Variants in PTPN2 observed in about 807,000 individuals in gnomAD.
PTPN2 encodes the protein tyrosine-protein phosphatase non-receptor type 2.
PTPN2 carries 19 observed loss-of-function variants against 57.3 expected under a neutral mutation model. That is an observed-to-expected ratio of 0.33 (90% CI 0.23 to 0.49). The LOEUF is 0.49. Ranked by LOEUF, PTPN2 falls within the 20% of genes least tolerant of loss-of-function variation. The probability of loss-of-function intolerance (pLI) is 0.99; values close to 1 mark genes in which losing one functional copy is unlikely to be tolerated. For synonymous variants in PTPN2, 153 were observed against 164.9 expected (o/e 0.93, Z 0.55); for missense variants, 358 against 501.1 (o/e 0.71, Z 2.73).
chr18:12,815,917 C>T (rs1043865275), intron 6 of PTPN2, among the ~76,000 whole-genome samples: 2 of 152,172 alleles, frequency 1.3e-5, no homozygotes, highest in African/African-American at 2.4e-5. Context: ...TGGTGGAAAG[C>T]ATAAGAATGC....
chr18:12,815,386 T>TG (rs1446108397), intron 6 of PTPN2, among the ~76,000 whole-genome samples: 108 of 151,828 alleles, frequency 7.1e-4, no homozygotes, highest in African/African-American at 2.6e-3. Flanking sequence ...CACTCCACCC[T>TG]GGCAACAGAG....
intron 1 of PTPN2, among the ~76,000 whole-genome samples, chr18:12,874,095 C>G (rs1217566616): frequency 6.6e-6 from 1 of 151,982 alleles, no homozygotes; most frequent in African/African-American, 2.4e-5. Flanking sequence ...CGCCCGGCAG[C>G]CACCCTGTCT....
chr18:12,835,368 A>G (rs1191763501), intron 3 of PTPN2, among the ~76,000 whole-genome samples: 5 of 128,428 alleles, frequency 3.9e-5, no homozygotes, highest in African/African-American at 1.6e-4. Context: ...TGCAATGAAC[A>G]TGATCACATA....
chr18:12,836,965 G>T, intron 2 of PTPN2, 74 bp from the exon 3 acceptor site: 1 of 873,398 alleles, frequency 1.1e-6, no homozygotes, highest in South Asian at 1.6e-5. Flanking sequence ...AATATTCTAG[G>T]TATTTATAAA....
chr18:12,832,384 T>C (rs1368543466), intron 3 of PTPN2, among the ~76,000 whole-genome samples: 1 of 152,192 alleles, frequency 6.6e-6, no homozygotes, highest in Non-Finnish European at 1.5e-5. Flanking sequence ...CCCAAAGTGC[T>C]GGGATTACAG....
At chr18:12,880,016 G>A (rs1282528468) in intron 1 of PTPN2, among the ~76,000 whole-genome samples, 1 of 152,178 alleles carries the variant, frequency 6.6e-6, no homozygotes, top group Non-Finnish European at 1.5e-5. Flanking sequence ...ATTTGCTGCT[G>A]TATGACATCC....
At chr18:12,805,983 G>A (rs1485808737) in intron 7 of PTPN2, among the ~76,000 whole-genome samples, 1 of 151,986 alleles carries the variant, frequency 6.6e-6, no homozygotes, top group Non-Finnish European at 1.5e-5. Flanking sequence ...CCTAGCCAGA[G>A]CAATTAGCTA....
At chr18:12,826,217 A>T (rs1312001325) in intron 4 of PTPN2, among the ~76,000 whole-genome samples, 1 of 152,194 alleles carries the variant, frequency 6.6e-6, no homozygotes, top group African/African-American at 2.4e-5. Context: ...AACCTGGCTA[A>T]TATGGTGAAA....
chr18:12,874,174 A>G (rs12454953), intron 1 of PTPN2, among the ~76,000 whole-genome samples: 6,284 of 147,868 alleles, frequency 0.042, 260 homozygotes, highest in East Asian at 0.18. Flanking sequence ...AGCCCCCGCC[A>G]GGCGAGCCGC....
intron 2 of PTPN2, among the ~76,000 whole-genome samples, chr18:12,843,263 A>G (rs754221689): frequency 1.8e-4 from 28 of 152,168 alleles, no homozygotes; most frequent in Non-Finnish European, 2.6e-4. Flanking sequence ...TTGTCTGTCA[A>G]AATCAGTGGC....
chr18:12,874,258 T>G lies in PTPN2; in HGVS notation c.69+9815A>C, dbSNP rs867346909. On this transcript the variant is annotated intron_variant, in intron 1 of 8. Coordinates refer to ENST00000309660, the MANE Select transcript of PTPN2 (RefSeq NM_002828.4). Reference sequence around the variant, plus strand: ...CCCCGTCCGGGAGGGAGGTGGGGGGTTCAGCCCCCCGCCCGGCCAGCCGCC... The same window carrying G: ...CCCCGTCCGGGAGGGAGGTGGGGGGGTCAGCCCCCCGCCCGGCCAGCCGCC... Among the ~76,000 whole-genome samples, 108 of 95,778 alleles carry G rather than the reference T, an allele frequency of 1.1e-3. 1 individual carries two copies. The East Asian group carries it at 0.019, about 17-fold the overall frequency. 62.8% of individuals were successfully genotyped at this position (95,778 alleles called of 152,430 possible).
intron 1 of PTPN2, among the ~76,000 whole-genome samples, chr18:12,861,933 A>G (rs2043821068): frequency 6.6e-6 from 1 of 152,228 alleles, no homozygotes; most frequent in Non-Finnish European, 1.5e-5. Flanking sequence ...AAAATTTACA[A>G]AACACAATAC....
chr18:12,789,862 G>GTA (rs1490886242), downstream of PTPN2, among the ~76,000 whole-genome samples: 3 of 147,654 alleles, frequency 2.0e-5, no homozygotes, highest in Non-Finnish European at 3.0e-5. Context: ...CTCTCTGTAT[G>GTA]TGTGTGTGTG....
chr18:12,794,058 T>C lies in PTPN2; in HGVS notation c.*220A>G, dbSNP rs1045618970. 4.3e-6 allele frequency: 6 copies of C among 1,407,350 alleles called. No individual in the cohort carries two copies. The Admixed American group carries it at 1.6e-4, about 37-fold the overall frequency. The allele number at this position is 1,407,350 out of a possible 1,614,324, so 87.2% of individuals were successfully genotyped here. The stretch of plus-strand genomic sequence containing the variant: ...TACCAGTTTTTAACAAACATGAATG[T>C]CTTTATTTTAGACAGCCATTTACAG... On this transcript the variant is annotated 3_prime_UTR_variant, in exon 9 of 9. Transcript: ENST00000309660.
intron 2 of PTPN2, among the ~76,000 whole-genome samples, chr18:12,849,997 T>C (rs1598846072): frequency 2.0e-5 from 3 of 152,286 alleles, no homozygotes. Flanking sequence ...CTTTCTTTCT[T>C]GTTTGATTGA....
At chr18:12,864,068 A>T (rs1032477397) in intron 1 of PTPN2, 2 of 152,194 alleles carry the variant, frequency 1.3e-5, no homozygotes, top group Non-Finnish European at 2.9e-5. Flanking sequence ...TCTTTTAAAA[A>T]CAGGCCCTCA....
intron 2 of PTPN2, among the ~76,000 whole-genome samples, chr18:12,837,986 CT>C (rs929038499): frequency 2.6e-5 from 4 of 151,900 alleles, no homozygotes; most frequent in African/African-American, 7.3e-5. Flanking sequence ...TCAACAAGCA[CT>C]TTTTTTTAAA....
intron 2 of PTPN2, among the ~76,000 whole-genome samples, chr18:12,849,324 C>T (rs1014992097): frequency 3.3e-5 from 5 of 152,118 alleles, no homozygotes; most frequent in African/African-American, 4.8e-5. Flanking sequence ...TTTGGGAGGC[C>T]GAGGCAGATG....
At chr18:12,837,901 T>C (rs1043541205) in intron 2 of PTPN2, among the ~76,000 whole-genome samples, 2 of 152,242 alleles carry the variant, frequency 1.3e-5, no homozygotes, top group African/African-American at 4.8e-5. Flanking sequence ...AAATATTACA[T>C]GTCATTTGCC....
Sources: gnomAD v4.1 joint callset for allele counts (sites outside exome capture counted in the v4.1 genomes callset) on GRCh38, gnomAD v4.1.1 for gene constraint, MANE v1.5 for transcripts, NCBI Gene and HGNC (gene_info 2026-07-23, HGNC 2026-07-21) for gene names.